The following ATP13A5 variants were observed in gnomAD, a reference collection of about 807,000 sequenced individuals.
ATP13A5 encodes the protein probable cation-transporting ATPase 13A5.
In ATP13A5, 149 loss-of-function variants were observed where a neutral mutation model predicts 150.2. The ratio of observed to expected loss-of-function variants is 0.99; its 90% confidence interval spans 0.87 to 1.14. The LOEUF (loss-of-function observed/expected upper bound fraction) is 1.14, where lower values mean the gene tolerates loss of function less well. Among genes scored for constraint, ATP13A5 ranks in the 50% most tolerant of loss-of-function variants. The pLI, the probability that ATP13A5 is intolerant of heterozygous loss-of-function variation, is 0.00. For synonymous variants in ATP13A5, 497 were observed against 522.2 expected (o/e 0.95, Z 0.66); for missense variants, 1,383 against 1,449.3 (o/e 0.95, Z 0.74).
At chr3:193,281,129 A>G (rs995939283) in intron 27 of ATP13A5, 6 of 962,234 alleles carry the variant, frequency 6.2e-6, no homozygotes, top group Middle Eastern at 5.3e-4. Context: ...GGATAAAGCA[A>G]TCTAAATGGC....
chr3:193,281,050 C>T (rs1717471270), intron 27 of ATP13A5: 1 of 226,984 alleles, frequency 4.4e-6, no homozygotes, highest in South Asian at 1.6e-4. Flanking sequence ...TAAATAAATG[C>T]AGCACGTCTC....
chr3:193,284,028 T>C (rs528962041), intron 27 of ATP13A5, among the ~76,000 whole-genome samples: 1 of 149,820 alleles, frequency 6.7e-6, no homozygotes, highest in Non-Finnish European at 1.5e-5. Context: ...TTATTATTAT[T>C]ATTATTTTTT....
intron 23 of ATP13A5, among the ~76,000 whole-genome samples, chr3:193,303,026 G>A (rs759935885): frequency 2.6e-5 from 4 of 152,190 alleles, no homozygotes; most frequent in Non-Finnish European, 5.9e-5. Context: ...ATGAGGAGGA[G>A]CATCTGAAGT....
intron 26 of ATP13A5, among the ~76,000 whole-genome samples, chr3:193,287,736 G>A (rs1717777954): frequency 6.6e-6 from 1 of 152,112 alleles, no homozygotes; most frequent in Non-Finnish European, 1.5e-5. Flanking sequence ...GGATCAAAGA[G>A]TAATTTCAAA....
At chr3:193,308,257 AG>A in intron 21 of ATP13A5, among the ~76,000 whole-genome samples, 1 of 152,238 alleles carries the variant, frequency 6.6e-6, no homozygotes, top group Middle Eastern at 3.4e-3. Context: ...CAGGAGTTCG[AG>A]ACCAGCCTAG....
chr3:193,343,872 G>A (rs1486452230), intron 9 of ATP13A5, 55 bp downstream of exon 9: 16 of 1,579,736 alleles, frequency 1.0e-5, no homozygotes. Flanking sequence ...GTGAGGATAT[G>A]TTGATCTGAT....
At chr3:193,298,226 AT>A (rs1718250846) in intron 25 of ATP13A5, among the ~76,000 whole-genome samples, 1 of 152,046 alleles carries the variant, frequency 6.6e-6, no homozygotes, top group Non-Finnish European at 1.5e-5. Flanking sequence ...AATCATGCAA[AT>A]TGCTTAAAAT....
At chr3:193,304,440 C>T (rs1718530359) in intron 23 of ATP13A5, among the ~76,000 whole-genome samples, 1 of 152,134 alleles carries the variant, frequency 6.6e-6, no homozygotes, top group African/African-American at 2.4e-5. Context: ...GTCAGTGATT[C>T]CTGCCAGTGA....
At chr3:193,286,821 G>C (rs1717742618) in intron 26 of ATP13A5, among the ~76,000 whole-genome samples, 1 of 152,172 alleles carries the variant, frequency 6.6e-6, no homozygotes, top group African/African-American at 2.4e-5. Flanking sequence ...TAGTGAGGAA[G>C]GCATGTCAAA....
rs183475089 is a variant in ATP13A5, at chr3:193,357,065, C to T, written c.537-2869G>A. Among the ~76,000 whole-genome samples, 9 of 152,298 alleles carry T rather than the reference C, an allele frequency of 5.9e-5. No individual in the cohort carries two copies. In the East Asian group the frequency reaches 1.3e-3, roughly 23 times the overall value. ...CCCTGACCTCGTGATCCACCTGACT[C>T]GGCTTCCCAAAATGCTGGGATTACA... On this transcript the variant is annotated intron_variant, in intron 5 of 29. Transcript: ENST00000342358.
At chr3:193,280,220 T>G (rs547301660) in intron 27 of ATP13A5, among the ~76,000 whole-genome samples, 3 of 151,964 alleles carry the variant, frequency 2.0e-5, no homozygotes, top group African/African-American at 7.2e-5. Context: ...ATGGCTAAAT[T>G]TTTTTTGTAT....
At chr3:193,358,109 A>G (rs993363185) in intron 5 of ATP13A5, among the ~76,000 whole-genome samples, 1 of 128,968 alleles carries the variant, frequency 7.8e-6, no homozygotes, top group Non-Finnish European at 1.8e-5. Context: ...GAGTTTTTCA[A>G]ACTACACCTA....
chr3:193,279,497 T>G, intron 27 of ATP13A5, 43 bp from the exon 28 acceptor site: 3 of 1,528,166 alleles, frequency 2.0e-6, no homozygotes, highest in Non-Finnish European at 2.7e-6. Flanking sequence ...TAAAAGAATG[T>G]TTCATATAAT....
intron 25 of ATP13A5, among the ~76,000 whole-genome samples, chr3:193,293,793 T>C (rs1560117689): frequency 6.6e-6 from 1 of 152,086 alleles, no homozygotes; most frequent in Non-Finnish European, 1.5e-5. Flanking sequence ...TTCCATCAGA[T>C]TATTTAAGGG....
At chr3:193,352,254 T>C (rs1006261885) in intron 6 of ATP13A5, among the ~76,000 whole-genome samples, 1 of 152,250 alleles carries the variant, frequency 6.6e-6, no homozygotes, top group African/African-American at 2.4e-5. Context: ...TGTTCCTTAA[T>C]GTTTCTTATT....
At chr3:193,314,779 G>A (rs879023156) in intron 18 of ATP13A5, among the ~76,000 whole-genome samples, 193 bp downstream of exon 18, 6 of 152,128 alleles carry the variant, frequency 3.9e-5, no homozygotes, top group African/African-American at 9.7e-5. Context: ...GATGAGATAC[G>A]GTCCCTACCT....
intron 5 of ATP13A5, among the ~76,000 whole-genome samples, chr3:193,356,404 C>T (rs765514482): frequency 6.6e-6 from 1 of 151,212 alleles, no homozygotes; most frequent in Non-Finnish European, 1.5e-5. Flanking sequence ...GAGGGGTCAG[C>T]CTCACTCTTC....
chr3:193,333,200 T>C (rs1711708604), intron 11 of ATP13A5, among the ~76,000 whole-genome samples: 1 of 150,974 alleles, frequency 6.6e-6, no homozygotes. Context: ...CACACGCTCA[T>C]TGATGCCACC....
intron 6 of ATP13A5, 89 bp from the exon 7 acceptor site, chr3:193,351,290 T>C: frequency 6.8e-7 from 1 of 1,467,308 alleles, no homozygotes; most frequent in Admixed American, 1.9e-5. Context: ...TTTTTTCTCA[T>C]TTTTTTACAA....
Sources: allele counts gnomAD v4.1 joint callset (sites outside exome capture counted in the v4.1 genomes callset), GRCh38; gene constraint gnomAD v4.1.1; transcripts MANE v1.5; gene names NCBI Gene and HGNC (gene_info 2026-07-23, HGNC 2026-07-21).